The following PCDH17 variants were observed in gnomAD, a reference collection of about 807,000 sequenced individuals.
PCDH17 encodes the protein protocadherin 17, also known as protocadherin-17.
PCDH17 carries 21 observed loss-of-function variants against 67.7 expected under a neutral mutation model. The ratio of observed to expected loss-of-function variants is 0.31; its 90% CI spans 0.22 to 0.45. The LOEUF is 0.45. Among genes scored for constraint, PCDH17 ranks in the 20% least tolerant of loss-of-function variants. The pLI, the probability that PCDH17 is intolerant of heterozygous loss-of-function variation, is 1.00. For synonymous variants in PCDH17, 701 were observed against 656.7 expected (o/e 1.07, Z -1.03); for missense variants, 1,471 against 1,564.8 (o/e 0.94, Z 1.01).
Position 57,726,459 on chromosome 13 carries a change from C to T in PCDH17, c.*1165C>T, listed in dbSNP as rs1474145686. 6.6e-6 allele frequency: 1 copy of T among 152,622 alleles called. No individual in the cohort carries two copies. The highest frequency in any genetic ancestry group is 6.5e-5 in the Admixed American group (1 of 15,278). The allele number at this position is 152,622 out of a possible 1,614,324, so 9.5% of individuals were successfully genotyped here. A position where few individuals can be genotyped will look rare whatever the true frequency, so the allele number is the denominator to read the frequency against. On this transcript the variant is annotated 3_prime_UTR_variant, in exon 4 of 4. Transcript: ENST00000377918. ...TAAATGGCAAGTGTTGCCTTGGTAGCTGTCGAACTCTATGAGTTTTGTTTT... is the reference window on the plus strand; with the variant it reads ...TAAATGGCAAGTGTTGCCTTGGTAGTTGTCGAACTCTATGAGTTTTGTTTT...
At chr13:57,693,541 A>G (rs1955580498) in intron 3 of PCDH17, among the ~76,000 whole-genome samples, 1 of 149,950 alleles carries the variant, frequency 6.7e-6, no homozygotes, top group South Asian at 2.1e-4. Flanking sequence ...AATTTCATAT[A>G]TACAATTTCT....
At chr13:57,704,564 CAAAAAAAA>C (rs112583999) in intron 3 of PCDH17, among the ~76,000 whole-genome samples, 1 of 122,292 alleles carries the variant, frequency 8.2e-6, no homozygotes, top group Non-Finnish European at 1.8e-5. Context: ...AATCTCTATC[CAAAAAAAA>C]AAAACAAAAA....
At chr13:57,686,131 A>G (rs1043320386) in intron 3 of PCDH17, among the ~76,000 whole-genome samples, 1 of 151,916 alleles carries the variant, frequency 6.6e-6, no homozygotes, top group African/African-American at 2.4e-5. Flanking sequence ...TAATGTTAGT[A>G]ATAATTAATA....
chr13:57,633,278 G>A lies in PCDH17; in HGVS notation c.732G>A (p.Glu244=), dbSNP rs1483721987. Reference sequence around the variant, plus strand: ...CCAACGACAACAGCCCGGTCTTCGAGGCGCCATCCTACTTGGTGGAACTGC... The same window carrying A: ...CCAACGACAACAGCCCGGTCTTCGAAGCGCCATCCTACTTGGTGGAACTGC... ...IDSNDNSPVF[E]APSYLVELPE... is the part of the protein sequence containing the mutation. The change falls in exon 1 of 4, where the codon GAG becomes GAA. Residue 244 remains glutamate, a synonymous_variant. Coordinates refer to ENST00000377918, the MANE Select transcript of PCDH17 (RefSeq NM_001040429.3). This position sits in a 1 kb window ranked among gnomAD's most constrained non-coding sequence, Gnocchi z 6.2. The A allele has an allele frequency of 6.2e-7, 1 of 1,613,224 alleles. No individual in the cohort carries two copies. The highest frequency in any genetic ancestry group is 2.2e-5 in the East Asian group (1 of 44,834).
chr13:57,699,769 C>A (rs1473428159), intron 3 of PCDH17, among the ~76,000 whole-genome samples: 1 of 151,572 alleles, frequency 6.6e-6, no homozygotes, highest in East Asian at 1.9e-4. Context: ...TCATGTACAT[C>A]GAAGGAATCT....
chr13:57,630,899 C>A (rs1047455662), upstream of PCDH17, among the ~76,000 whole-genome samples: 1 of 152,120 alleles, frequency 6.6e-6, no homozygotes, highest in Non-Finnish European at 1.5e-5. Flanking sequence ...GTGTCATTCC[C>A]GTATGTCGAG....
intron 1 of PCDH17, among the ~76,000 whole-genome samples, chr13:57,657,119 G>A (rs574035907): frequency 2.4e-4 from 37 of 152,138 alleles, no homozygotes; most frequent in African/African-American, 8.7e-4. Context: ...TATTATTAAA[G>A]TTATCAATGT....
At position 57,632,198 on chromosome 13, in the gene PCDH17, G is replaced by T; in HGVS notation, c.-349G>T. On this transcript the variant is annotated 5_prime_UTR_variant, in exon 1 of 4. Transcript: ENST00000377918. ...TCCCAGACGAGATTTCCTTCTTATC[G>T]CCTGCCTCATCGCTCAAGTTTGAGC... 3.0e-6 allele frequency: 1 copy of T among 338,332 alleles called. No homozygotes were observed. 21.0% of individuals were successfully genotyped at this position (338,332 alleles called of 1,614,324 possible).
chr13:57,670,142 T>C (rs1380858205), intron 3 of PCDH17, among the ~76,000 whole-genome samples: 4 of 152,044 alleles, frequency 2.6e-5, no homozygotes, highest in Non-Finnish European at 1.5e-5. Context: ...CAATGTTTTA[T>C]GCTATTCACG....
chr13:57,705,692 G>C (rs1955714710), intron 3 of PCDH17, among the ~76,000 whole-genome samples: 2 of 152,022 alleles, frequency 1.3e-5, no homozygotes, highest in South Asian at 4.1e-4. Flanking sequence ...TACACAAACT[G>C]AAAAGAGAAG....
intron 3 of PCDH17, among the ~76,000 whole-genome samples, chr13:57,715,573 T>A (rs1955810089): frequency 6.6e-6 from 1 of 151,924 alleles, no homozygotes; most frequent in Non-Finnish European, 1.5e-5. Flanking sequence ...ATACAAAATA[T>A]AAATGCTTAT....
intron 1 of PCDH17, among the ~76,000 whole-genome samples, chr13:57,660,339 C>G (rs1955168439): frequency 6.6e-6 from 1 of 152,110 alleles, no homozygotes; most frequent in Admixed American, 6.6e-5. Context: ...CATTTGTATT[C>G]TGTCCAAATA....
At chr13:57,703,537 T>C (rs912078709) in intron 3 of PCDH17, among the ~76,000 whole-genome samples, 1 of 152,174 alleles carries the variant, frequency 6.6e-6, no homozygotes, top group Non-Finnish European at 1.5e-5. Flanking sequence ...GCTCTTTTTC[T>C]CCTGCACTTT....
At chr13:57,711,867 AGT>A (rs2138090305) in intron 3 of PCDH17, among the ~76,000 whole-genome samples, 1 of 151,592 alleles carries the variant, frequency 6.6e-6, no homozygotes, top group Non-Finnish European at 1.5e-5. Flanking sequence ...TACATCAATG[AGT>A]TATGTATCTT....
chr13:57,709,622 T>C (rs1386855758), intron 3 of PCDH17: 2 of 152,218 alleles, frequency 1.3e-5, no homozygotes, highest in Non-Finnish European at 2.9e-5. Context: ...CCCTTTTTCC[T>C]ACTTGGTTTT....
At chr13:57,685,325 T>C (rs2138053989) in intron 3 of PCDH17, among the ~76,000 whole-genome samples, 1 of 152,090 alleles carries the variant, frequency 6.6e-6, no homozygotes, top group Admixed American at 6.6e-5. Flanking sequence ...AATACTGACA[T>C]ATAAAGCATT....
rs536241964 is a variant in PCDH17 at position 57,720,062 on chromosome 13, T to G, written c.2798-4550T>G. On this transcript the variant is annotated intron_variant, in intron 3 of 3. Transcript: ENST00000377918. ...TTTAAAAGCAGATAATTTGATGTTT[T>G]TATCTAAGTATTTTTTCCTCACATA... Among the ~76,000 whole-genome samples, 6 of 152,162 alleles carry G rather than the reference T, an allele frequency of 3.9e-5. No homozygotes were observed. The South Asian group carries it at 1.2e-3, about 31-fold the overall frequency.
chr13:57,659,327 T>G (rs1446690885), intron 1 of PCDH17, among the ~76,000 whole-genome samples: 2 of 152,162 alleles, frequency 1.3e-5, no homozygotes, highest in Non-Finnish European at 2.9e-5. Context: ...ATTTTTTTCT[T>G]AGAAATTCAT....
In PCDH17 at chr13:57,726,771, G is replaced by A. The variant is rs1955919282; in HGVS notation, c.*1477G>A. 6.6e-6 allele frequency: 1 copy of A among 152,200 alleles called. No individual in the cohort carries two copies. Among genetic ancestry groups the A allele is most frequent in the Non-Finnish European group, 1.5e-5 (1 of 68,012 alleles). The allele number at this position is 152,200 out of a possible 1,614,324, so 9.4% of individuals were successfully genotyped here. A position where few individuals can be genotyped will look rare whatever the true frequency, so the allele number is the denominator to read the frequency against. The stretch of plus-strand genomic sequence containing the variant: ...TCAATAACATACAGCTTCTGCCTGT[G>A]TAGATATTATGCCATCAGTTGGTTC... On this transcript the variant is annotated 3_prime_UTR_variant, in exon 4 of 4. Coordinates refer to ENST00000377918, the MANE Select transcript of PCDH17 (RefSeq NM_001040429.3).
Sources: gnomAD v4.1 joint callset for allele counts (sites outside exome capture counted in the v4.1 genomes callset) on GRCh38, gnomAD v4.1.1 for gene constraint, Gnocchi (gnomAD v3.1) non-coding constraint, MANE v1.5 for transcripts, NCBI Gene and HGNC (gene_info 2026-07-23, HGNC 2026-07-21) for gene names.